Variants in GLYCTK observed in about 807,000 individuals in gnomAD.
GLYCTK encodes the protein HBeAg binding protein 4.
GLYCTK carries 22 observed loss-of-function variants against 24.8 expected under a neutral mutation model. That is an observed-to-expected ratio of 0.89 (90% confidence interval 0.63 to 1.27). GLYCTK has a LOEUF of 1.27. GLYCTK is among the 50% of genes most tolerant of loss of function. The pLI is 0.00. For synonymous variants in GLYCTK, 320 were observed against 297.2 expected (o/e 1.08, Z -0.79); for missense variants, 684 against 686.7 (o/e 1.00, Z 0.04).
At position 52,294,165 on chromosome 3, in the gene GLYCTK, A is replaced by G. The variant is rs564330530; in HGVS notation, c.*1039A>G. The G allele has an allele frequency of 7.5e-6, 4 of 532,896 alleles. No individual in the cohort carries two copies. The highest frequency in any genetic ancestry group is 5.4e-5 in the East Asian group (1 of 18,350). The allele number at this position is 532,896 out of a possible 1,614,324, so 33.0% of individuals were successfully genotyped here. On this transcript the variant is annotated 3_prime_UTR_variant, in exon 5 of 5. Transcript: ENST00000436784. ...GCCTGGGTTGAGAGAGGGAGGTGCC[A>G]CTGTCCTGCCTCCTTTTGAGCCCCC...
At position 52,291,092 on chromosome 3, in the gene GLYCTK, G is replaced by A. The variant is rs1192045227; in HGVS notation, c.510G>A (p.Leu170=). 1 of 1,611,390 alleles carries A rather than the reference G, an allele frequency of 6.2e-7. No homozygotes were observed. Among genetic ancestry groups the A allele is most frequent in the African/African-American group, 1.3e-5 (1 of 74,940 alleles). ...QLAEGLTADD[L]LLVLISGGGS... ...CTGAGGGACTCACAGCTGATGACCT[G>A]CTGCTCGTGCTGATCTCAGGTGTGG... Residue 170 remains leucine, a synonymous_variant, in exon 3 of 5, where the codon CTG becomes CTA. Transcript: ENST00000436784.
rs1700592585 is a variant in GLYCTK at position 52,294,926 on chromosome 3, CATAG to C, written c.*1804_*1807del. ...GTGGGAATGCATCTCTGAGTGTACA[CATAG>C]ATACTTAGTACAGGGCACATGACTC... On this transcript the variant is annotated 3_prime_UTR_variant, in exon 5 of 5. Coordinates refer to ENST00000436784, the MANE Select transcript of GLYCTK (RefSeq NM_145262.4). The C allele has an allele frequency of 2.2e-6, 1 of 453,968 alleles. No homozygotes were observed. The highest frequency in any genetic ancestry group is 1.6e-5 in the South Asian group (1 of 64,480). The allele number at this position is 453,968 out of a possible 1,614,324, so 28.1% of individuals were successfully genotyped here.
At position 52,292,464 on chromosome 3, in the gene GLYCTK, G is replaced by A. The variant is rs1700510076; in HGVS notation, c.910G>A (p.Val304Ile). Residue 304 changes from valine to isoleucine, a missense_variant, in exon 5 of 5, where the codon GTC becomes ATC. Val to Ile is a conservative substitution (Grantham distance 29, BLOSUM62 3). Transcript: ENST00000436784. ...DPHGPHTCGH[V>I]LNVIIGSNVL... Reference sequence around the variant, plus strand: ...CCATGGGCCACACACCTGTGGCCATGTCCTGAATGTGATCATTGGCTCTAA... The same window carrying A: ...CCATGGGCCACACACCTGTGGCCATATCCTGAATGTGATCATTGGCTCTAA... 6.2e-7 allele frequency: 1 copy of A among 1,613,010 alleles called. No homozygotes were observed. Among genetic ancestry groups the A allele is most frequent in the Non-Finnish European group, 8.5e-7 (1 of 1,179,756 alleles).
Position 52,290,316 on chromosome 3 carries a change from GCCA to G in GLYCTK, c.-26_-24del, listed in dbSNP as rs1328396656. On this transcript the variant is annotated 5_prime_UTR_variant, in exon 2 of 5. Transcript: ENST00000436784. ...TTTTTCCCTCTAGGCAGCCATGGGT[GCCA>G]GGCAGTGCTGAGAGCAGTGGGGCAT... 6.3e-7 allele frequency: 1 copy of G among 1,591,562 alleles called. No homozygotes were observed. Among genetic ancestry groups the G allele is most frequent in the Non-Finnish European group, 8.5e-7 (1 of 1,175,976 alleles).
In GLYCTK at chr3:52,292,302, G is replaced by A; in HGVS notation, c.748G>A (p.Glu250Lys). The A allele has an allele frequency of 6.2e-7, 1 of 1,613,952 alleles. No individual in the cohort carries two copies. Among genetic ancestry groups the A allele is most frequent in the Middle Eastern group, 1.7e-4 (1 of 6,060 alleles). The change falls in exon 5 of 5, where the codon GAG becomes AAG. Residue 250 changes from glutamate (E) to lysine (K), a missense_variant. By Grantham distance (56) the Glu-to-Lys change is moderately conservative (BLOSUM62 1). Coordinates refer to ENST00000436784, the MANE Select transcript of GLYCTK (RefSeq NM_145262.4). ...GTCAGATGTGGTGGGGGACCCTGTG[G>A]AGGTGATTGCCAGTGGCCCCACCGT... ...ILSDVVGDPV[E>K]VIASGPTVAS...
chr3:52,291,277 G>T (rs555315944), intron 3 of GLYCTK, 166 bp downstream of exon 3: 2 of 788,732 alleles, frequency 2.5e-6, no homozygotes, highest in African/African-American at 3.4e-5. Context: ...TGGGCTAGTC[G>T]TCTGGCCTCC....
In GLYCTK at chr3:52,295,151, G is replaced by A. The variant is rs1207887888; in HGVS notation, c.*2025G>A. 12 of 453,970 alleles carry A rather than the reference G, an allele frequency of 2.6e-5. No individual in the cohort carries two copies. The highest frequency in any genetic ancestry group is 2.1e-4 in the Admixed American group (9 of 42,556). The allele number at this position is 453,970 out of a possible 1,614,324, so 28.1% of individuals were successfully genotyped here. A position where few individuals can be genotyped will look rare whatever the true frequency, so the allele number is the denominator to read the frequency against. On this transcript the variant is annotated 3_prime_UTR_variant, in exon 5 of 5. Transcript: ENST00000436784. ...ACTGGATACCCCAGAGATAAGAAAG[G>A]ATGTATTTGGCCACAGTCTAAATGC...
In GLYCTK at chr3:52,292,697, T is replaced by TCAGATCC. The variant is rs1429241501; in HGVS notation, c.1148_1154dup (p.Leu386ProfsTer85). On this transcript the variant is annotated frameshift_variant, in exon 5 of 5. Transcript: ENST00000436784. LOFTEE classifies it high-confidence loss of function. ...AGCTCCATGAGCTGGCAGCTGAGCT[T>TCAGATCC]CAGATCCCAGACCTGCAGCTGGAGG... The TCAGATCC allele has an allele frequency of 1.2e-6, 2 of 1,607,974 alleles. No individual in the cohort carries two copies. The highest frequency in any genetic ancestry group is 1.7e-6 in the Non-Finnish European group (2 of 1,176,018).
Position 52,292,877 on chromosome 3 carries a change from G to T in GLYCTK, c.1323G>T (p.Pro441=). The change falls in exon 5 of 5, where the codon CCG becomes CCT. Residue 441 remains proline (P), a synonymous_variant. Coordinates refer to ENST00000436784, the MANE Select transcript of GLYCTK (RefSeq NM_145262.4). ...GAELRRWPLG[P]IDVLFLSGGT... The stretch of plus-strand genomic sequence containing the variant: ...AGTTGAGAAGGTGGCCGCTGGGGCC[G>T]ATAGATGTGCTGTTTTTGAGCGGTG... 6.2e-7 allele frequency: 1 copy of T among 1,614,078 alleles called. No individual in the cohort carries two copies. The highest frequency in any genetic ancestry group is 8.5e-7 in the Non-Finnish European group (1 of 1,180,014).
In GLYCTK at chr3:52,290,246, G is replaced by A. The variant is rs1002373454; in HGVS notation, c.-39-58G>A. ...GCCCTGAGCCCTCAGAGGGGCGGCC[G>A]TGGGGGACCTCCTGTCTTTTGCCTT... is the stretch of plus-strand genomic sequence containing the variant. On this transcript the variant is annotated intron_variant, in intron 1 of 4. Transcript: ENST00000436784. 7.1e-5 allele frequency: 103 copies of A among 1,441,432 alleles called. No homozygotes were observed. In the East Asian group the frequency reaches 9.5e-4, roughly 13 times the overall value. 89.3% of individuals were successfully genotyped at this position (1,441,432 alleles called of 1,614,324 possible).
rs1307119642 is a variant in GLYCTK, at chr3:52,293,304, C to T, written c.*178C>T. 1 of 739,114 alleles carries T rather than the reference C, an allele frequency of 1.4e-6. No individual in the cohort carries two copies. Among genetic ancestry groups the T allele is most frequent in the East Asian group, 2.7e-5 (1 of 37,364 alleles). 45.8% of individuals were successfully genotyped at this position (739,114 alleles called of 1,614,324 possible). A position where few individuals can be genotyped will look rare whatever the true frequency, so the allele number is the denominator to read the frequency against. On this transcript the variant is annotated 3_prime_UTR_variant, in exon 5 of 5. Coordinates refer to ENST00000436784, the MANE Select transcript of GLYCTK (RefSeq NM_145262.4). ...CCTCTGCTCTATATCTATTCCCTTC[C>T]AGCCAGACTGGCAGATGGGGGCTTC...
chr3:52,289,219 A>G (rs953415295), intron 1 of GLYCTK: 2 of 152,244 alleles, frequency 1.3e-5, no homozygotes, highest in Non-Finnish European at 2.9e-5. Context: ...TCAGCTTGCA[A>G]CATTTATGGT....
chr3:52,290,612 G>C lies in GLYCTK; in HGVS notation c.270G>C (p.Val90=). The C allele has an allele frequency of 6.2e-7, 1 of 1,613,984 alleles. No homozygotes were observed. The highest frequency in any genetic ancestry group is 8.5e-7 in the Non-Finnish European group (1 of 1,180,028). The stretch of plus-strand genomic sequence containing the variant: ...ACCTGGTGGGCTTTGGCAAGGCTGT[G>C]CTGGGTATGGCAGCTGCAGCTGAGG... The part of the protein sequence containing the change: ...NLYLVGFGKA[V]LGMAAAAEEL... Residue 90 remains valine, a synonymous_variant, in exon 2 of 5, where the codon GTG becomes GTC. Coordinates refer to ENST00000436784, the MANE Select transcript of GLYCTK (RefSeq NM_145262.4).
In GLYCTK at chr3:52,291,487, C is replaced by A. The variant is rs901526513; in HGVS notation, c.530-260C>A. Reference sequence around the variant, plus strand: ...CCTCTCCTTGATCTTCCATTGTGTGCCCCCTGCCCTGCCTCCTGTTCTAGT... The same window carrying A: ...CCTCTCCTTGATCTTCCATTGTGTGACCCCTGCCCTGCCTCCTGTTCTAGT... On this transcript the variant is annotated intron_variant, in intron 3 of 4. Coordinates refer to ENST00000436784, the MANE Select transcript of GLYCTK (RefSeq NM_145262.4). 69 of 582,934 alleles carry A rather than the reference C, an allele frequency of 1.2e-4. No individual in the cohort carries two copies. The Middle Eastern group carries it at 1.4e-3, about 12-fold the overall frequency. The allele number at this position is 582,934 out of a possible 1,614,324, so 36.1% of individuals were successfully genotyped here.
intron 3 of GLYCTK, 198 bp downstream of exon 3, chr3:52,291,309 C>G (rs1265732933): frequency 1.4e-5 from 9 of 635,866 alleles, no homozygotes; most frequent in South Asian, 5.6e-5. Context: ...GAGTCCTCCC[C>G]CTGAGCTGAC....
Position 52,293,355 on chromosome 3 carries a change from G to A in GLYCTK, c.*229G>A. On this transcript the variant is annotated 3_prime_UTR_variant, in exon 5 of 5. Transcript: ENST00000436784. ...CCCCTACCCCTGAGGATGAGGACAAGCCCCTCGGCCAGTTCAGCGTTCCCG... is the reference window on the plus strand; with the variant it reads ...CCCCTACCCCTGAGGATGAGGACAAACCCCTCGGCCAGTTCAGCGTTCCCG... The A allele has an allele frequency of 1.4e-6, 1 of 696,362 alleles. No individual in the cohort carries two copies. The highest frequency in any genetic ancestry group is 2.6e-6 in the Non-Finnish European group (1 of 382,094). The allele number at this position is 696,362 out of a possible 1,614,324, so 43.1% of individuals were successfully genotyped here. A position where few individuals can be genotyped will look rare whatever the true frequency, so the allele number is the denominator to read the frequency against.
intron 3 of GLYCTK, 59 bp downstream of exon 3, chr3:52,291,170 G>A (rs1700457622): frequency 6.3e-7 from 1 of 1,585,812 alleles, no homozygotes; most frequent in Admixed American, 1.7e-5. Flanking sequence ...GATCTCTCAG[G>A]TCTTCGAGAG....
rs1700579354 is a variant in GLYCTK, at chr3:52,294,347, C to T, written c.*1221C>T. ...CAGGCACTTCTTCCACCCCAACCCT[C>T]CCCTCCTCCCTGAGGGTGTGGAGGG... On this transcript the variant is annotated 3_prime_UTR_variant, in exon 5 of 5. Coordinates refer to ENST00000436784, the MANE Select transcript of GLYCTK (RefSeq NM_145262.4). The T allele has an allele frequency of 1.9e-6, 1 of 534,136 alleles. No homozygotes were observed. The highest frequency in any genetic ancestry group is 3.8e-6 in the Non-Finnish European group (1 of 259,956). 33.1% of individuals were successfully genotyped at this position (534,136 alleles called of 1,614,324 possible).
rs1197486815 is a variant in GLYCTK at position 52,293,612 on chromosome 3, G to C, written c.*486G>C. On this transcript the variant is annotated 3_prime_UTR_variant, in exon 5 of 5. Transcript: ENST00000436784. ...CTACTGGGCTGGGTACGTGCAGGATGTGCCTCGCATAACGGGAGCCTGTGC... is the reference window on the plus strand; with the variant it reads ...CTACTGGGCTGGGTACGTGCAGGATCTGCCTCGCATAACGGGAGCCTGTGC... The C allele has an allele frequency of 2.2e-6, 1 of 455,412 alleles. No homozygotes were observed. The highest frequency in any genetic ancestry group is 4.4e-6 in the Non-Finnish European group (1 of 227,726). The allele number at this position is 455,412 out of a possible 1,614,324, so 28.2% of individuals were successfully genotyped here.
Sources: allele counts gnomAD v4.1 joint callset, GRCh38; gene constraint gnomAD v4.1.1; transcripts MANE v1.5; gene names NCBI Gene and HGNC (gene_info 2026-07-23, HGNC 2026-07-21).